Variants in NFIB observed in about 807,000 individuals in gnomAD.
NFIB encodes the protein nuclear factor 1 B-type.
In NFIB, 11 loss-of-function variants were observed where a neutral mutation model predicts 61.5. The observed-to-expected ratio is 0.18, with a 90% CI of 0.11 to 0.30. The LOEUF (loss-of-function observed/expected upper bound fraction) is 0.30. NFIB is among the 10% of genes least tolerant of loss of function. NFIB has a pLI of 1.00. For synonymous variants in NFIB, 260 were observed against 216.5 expected (o/e 1.20, Z -1.76); for missense variants, 471 against 608.9 (o/e 0.77, Z 2.38).
chr9:14,330,852 T>C (rs1192817613), intron 1 of NFIB, among the ~76,000 whole-genome samples: 1 of 152,164 alleles, frequency 6.6e-6, no homozygotes, highest in African/African-American at 2.4e-5. Flanking sequence ...GGCTCATTCA[T>C]AGATGTGATC....
chr9:14,270,179 G>C (rs1457514717), intron 2 of NFIB, among the ~76,000 whole-genome samples: 1 of 152,004 alleles, frequency 6.6e-6, no homozygotes, highest in African/African-American at 2.4e-5. Context: ...GTCTGAATAA[G>C]GGAAAACAAA....
chr9:14,398,831 A>G, exon 1 of NFIB: 1 of 507,450 alleles, frequency 2.0e-6, no homozygotes, highest in Non-Finnish European at 3.5e-6. Context: ...AAATAGAACA[A>G]GAACAAAGGG....
At chr9:14,230,151 A>C (rs2052943160) in intron 2 of NFIB, among the ~76,000 whole-genome samples, 1 of 152,202 alleles carries the variant, frequency 6.6e-6, no homozygotes, top group Admixed American at 6.5e-5. Flanking sequence ...ACAGTATAAA[A>C]GAATGGTATA....
chr9:14,515,697 A>C, the NFIB span, among the ~76,000 whole-genome samples: 2 of 152,148 alleles, frequency 1.3e-5, no homozygotes, highest in African/African-American at 4.8e-5. Context: ...GTCAAACTTG[A>C]ATGAGCCTAT....
chr9:14,146,345 T>A (rs1306084688), intron 6 of NFIB, among the ~76,000 whole-genome samples: 2 of 152,110 alleles, frequency 1.3e-5, no homozygotes, highest in Non-Finnish European at 2.9e-5. Context: ...CAACGCTCCA[T>A]AGAGAGGAGC....
At chr9:14,354,524 C>A (rs1018163375) in intron 1 of NFIB, among the ~76,000 whole-genome samples, 3 of 152,166 alleles carry the variant, frequency 2.0e-5, no homozygotes, top group Non-Finnish European at 4.4e-5. Flanking sequence ...CAAATAGGTA[C>A]AAAGACCAAT....
At chr9:14,153,119 A>C (rs2043034624) in intron 4 of NFIB, among the ~76,000 whole-genome samples, 1 of 152,140 alleles carries the variant, frequency 6.6e-6, no homozygotes, top group South Asian at 2.1e-4. Flanking sequence ...GTATGCATGG[A>C]TCCAGAGATC....
intron 2 of NFIB, among the ~76,000 whole-genome samples, chr9:14,278,133 T>C (rs996259730): frequency 4.0e-5 from 6 of 151,492 alleles, no homozygotes; most frequent in Admixed American, 2.6e-4. Flanking sequence ...CCAGTATGTC[T>C]TTCTAATTAG....
the NFIB span, among the ~76,000 whole-genome samples, chr9:14,429,605 T>C: frequency 6.6e-6 from 1 of 152,204 alleles, no homozygotes; most frequent in Non-Finnish European, 1.5e-5. Flanking sequence ...AGTCCCTTCA[T>C]CATCCCTCAA....
chr9:14,217,723 G>C (rs1205956773), intron 2 of NFIB, among the ~76,000 whole-genome samples: 1 of 143,746 alleles, frequency 7.0e-6, no homozygotes, highest in Non-Finnish European at 1.5e-5. Context: ...TATTTTGGAA[G>C]ACTCATCAAA....
At chr9:14,442,183 T>A in the NFIB span, among the ~76,000 whole-genome samples, 7 of 151,752 alleles carry the variant, frequency 4.6e-5, no homozygotes, top group African/African-American at 1.5e-4. Context: ...CACCACCCTC[T>A]CCTAATCACC....
the NFIB span, among the ~76,000 whole-genome samples, chr9:14,448,356 G>A: frequency 6.6e-6 from 1 of 151,982 alleles, no homozygotes; most frequent in Non-Finnish European, 1.5e-5. Flanking sequence ...CATAATTATT[G>A]GCTGAAATAA....
chr9:14,372,111 G>GT lies in NFIB; in HGVS notation c.108+26412dup, dbSNP rs35953563. 1.2e-3 allele frequency among the ~76,000 whole-genome samples: 178 copies of GT among 145,618 alleles called. 2 individuals are homozygous for GT. In the East Asian group the frequency reaches 0.023, roughly 19 times the overall value. ...TCTGAATGTCAGCCCTGCCAAAACT[G>GT]TTTTTTTTTTCAAAGTGGAGATAGA... On this transcript the variant is annotated intron_variant, in intron 1 of 8. Coordinates refer to the NFIB transcript ENST00000380934.
intron 2 of NFIB, among the ~76,000 whole-genome samples, chr9:14,298,877 A>AGCTTTG (rs2059596553): frequency 6.6e-6 from 1 of 152,172 alleles, no homozygotes. Context: ...GGTCAATTAA[A>AGCTTTG]CCTAACAAGG....
At chr9:14,114,041 T>C (rs994713497) in intron 9 of NFIB, among the ~76,000 whole-genome samples, 1 of 152,200 alleles carries the variant, frequency 6.6e-6, no homozygotes, top group Admixed American at 6.5e-5. Context: ...TGAAGAAAGC[T>C]ACACTGTTTG....
At chr9:14,392,696 G>C (rs1206974841) in intron 1 of NFIB, among the ~76,000 whole-genome samples, 1 of 151,862 alleles carries the variant, frequency 6.6e-6, no homozygotes, top group Non-Finnish European at 1.5e-5. Context: ...TGATAACAAG[G>C]TGGCAGAGCA....
intron 2 of NFIB, among the ~76,000 whole-genome samples, chr9:14,258,869 C>T (rs2056478211): frequency 6.6e-6 from 1 of 152,154 alleles, no homozygotes. Flanking sequence ...TGAAACTGAG[C>T]CCCAGGACTA....
chr9:14,376,563 G>A (rs1363581623), intron 1 of NFIB, among the ~76,000 whole-genome samples: 1 of 149,942 alleles, frequency 6.7e-6, no homozygotes, highest in Non-Finnish European at 1.5e-5. Context: ...GTCGTTCAGG[G>A]TGGAGTGCAG....
chr9:14,358,766 G>C (rs1008466764), intron 1 of NFIB, among the ~76,000 whole-genome samples: 2 of 152,160 alleles, frequency 1.3e-5, no homozygotes, highest in African/African-American at 4.8e-5. Flanking sequence ...GTCTGTTGCA[G>C]CCAACTCATA....
Sources: gnomAD v4.1 joint callset for allele counts (sites outside exome capture counted in the v4.1 genomes callset) on GRCh38, gnomAD v4.1.1 for gene constraint, MANE v1.5 for transcripts, NCBI Gene and HGNC (gene_info 2026-07-23, HGNC 2026-07-21) for gene names.